The following TWIST2 variants were observed in gnomAD, a reference collection of about 807,000 sequenced individuals.
The protein encoded by TWIST2 is twist family bHLH transcription factor 2.
TWIST2 carries 1 observed loss-of-function variant against 11.6 expected under a neutral mutation model. That is an observed-to-expected ratio of 0.09 (90% confidence interval 0.03 to 0.41). TWIST2 has a LOEUF of 0.41. Ranked by LOEUF, TWIST2 falls within the 10% of genes least tolerant of loss-of-function variation. TWIST2 has a pLI of 0.98. For synonymous variants in TWIST2, 87 were observed against 96.6 expected (o/e 0.90, Z 0.58); for missense variants, 168 against 226.4 (o/e 0.74, Z 1.66).
intron 1 of TWIST2, among the ~76,000 whole-genome samples, chr2:238,873,553 G>A (rs995352939): frequency 1.3e-5 from 2 of 152,194 alleles, no homozygotes; most frequent in East Asian, 3.9e-4. Flanking sequence ...GCACGCATGA[G>A]CGCACACAAG....
At chr2:238,876,452 G>A (rs1484168933) in intron 1 of TWIST2, among the ~76,000 whole-genome samples, 9 of 152,310 alleles carry the variant, frequency 5.9e-5, no homozygotes, top group East Asian at 3.9e-4. Flanking sequence ...GTGTCAGGCC[G>A]AAGGTGCAGT....
intron 1 of TWIST2, among the ~76,000 whole-genome samples, 184 bp downstream of exon 1, chr2:238,848,917 C>A (rs1384245332): frequency 6.6e-6 from 1 of 152,116 alleles, no homozygotes; most frequent in African/African-American, 2.4e-5. Flanking sequence ...CCCAGGGACA[C>A]CCCTGAGTGC....
chr2:238,859,916 C>T lies in TWIST2; in HGVS notation c.*35+11183C>T, dbSNP rs537612130. Among the ~76,000 whole-genome samples the T allele has an allele frequency of 6.4e-4, 98 of 152,326 alleles. 1 individual carries two copies. The highest frequency in any genetic ancestry group is 2.4e-4 in the Non-Finnish European group (16 of 68,034). The stretch of plus-strand genomic sequence containing the variant: ...GCCTCTCCACAGTAGACTGAGTTCT[C>T]ACCCTCTGGGGGCCGAGGCAGAGAG... On this transcript the variant is annotated intron_variant, in intron 1 of 1. Transcript: ENST00000612363.
intron 1 of TWIST2, among the ~76,000 whole-genome samples, chr2:238,855,840 C>T (rs557176388): frequency 1.3e-5 from 2 of 152,252 alleles, no homozygotes; most frequent in East Asian, 1.9e-4. Context: ...AAGCCTCGTG[C>T]GGCCCATAGA....
intron 1 of TWIST2, among the ~76,000 whole-genome samples, chr2:238,894,055 C>T (rs1693179536): frequency 6.6e-6 from 1 of 152,156 alleles, no homozygotes; most frequent in African/African-American, 2.4e-5. Flanking sequence ...AGGTGTAGAC[C>T]AGGAATCTGA....
chr2:238,901,296 A>G (rs1469691694), intron 1 of TWIST2, among the ~76,000 whole-genome samples: 1 of 152,164 alleles, frequency 6.6e-6, no homozygotes, highest in Non-Finnish European at 1.5e-5. Context: ...TTTGCTCAGC[A>G]TGCTGGGAGA....
At chr2:238,883,773 G>A (rs925038087) in intron 1 of TWIST2, among the ~76,000 whole-genome samples, 2 of 152,210 alleles carry the variant, frequency 1.3e-5, no homozygotes, top group African/African-American at 4.8e-5. Flanking sequence ...TGCGGAGAGG[G>A]AGGCGGTTTT....
chr2:238,908,222 C>G (rs1693388415), intron 1 of TWIST2, among the ~76,000 whole-genome samples: 1 of 146,680 alleles, frequency 6.8e-6, no homozygotes, highest in Non-Finnish European at 1.5e-5. Flanking sequence ...CATATACCCC[C>G]CATACAAAAT....
At chr2:238,881,444 T>C (rs1692928632) in intron 1 of TWIST2, among the ~76,000 whole-genome samples, 1 of 151,848 alleles carries the variant, frequency 6.6e-6, no homozygotes, top group Admixed American at 6.6e-5. Context: ...TCGGTATTTA[T>C]TAGTATTAGT....
chr2:238,909,211 G>GA (rs1427062315), intron 1 of TWIST2, among the ~76,000 whole-genome samples: 1 of 147,526 alleles, frequency 6.8e-6, no homozygotes, highest in African/African-American at 2.5e-5. Context: ...TGTGTATGTG[G>GA]GGTGGGGTGT....
chr2:238,859,836 CTG>C (rs756106999), intron 1 of TWIST2, among the ~76,000 whole-genome samples: 13 of 152,210 alleles, frequency 8.5e-5, no homozygotes, highest in Non-Finnish European at 1.5e-5. Context: ...CTGAGGCACA[CTG>C]TTTCTTTTGC....
At chr2:238,859,241 G>A (rs1187204832) in intron 1 of TWIST2, among the ~76,000 whole-genome samples, 1 of 150,798 alleles carries the variant, frequency 6.6e-6, no homozygotes, top group Non-Finnish European at 1.5e-5. Flanking sequence ...TGTAATATGT[G>A]CTACAGCATC....
chr2:238,876,000 G>A (rs1281272270), intron 1 of TWIST2, among the ~76,000 whole-genome samples: 1 of 152,226 alleles, frequency 6.6e-6, no homozygotes, highest in Non-Finnish European at 1.5e-5. Flanking sequence ...GGACCCCGAG[G>A]CCCTGGCCAG....
At chr2:238,908,420 C>T (rs990220451) in intron 1 of TWIST2, among the ~76,000 whole-genome samples, 2 of 151,604 alleles carry the variant, frequency 1.3e-5, no homozygotes, top group Non-Finnish European at 2.9e-5. Context: ...ACACTGCACA[C>T]ACCACACATA....
chr2:238,895,895 G>A, intron 1 of TWIST2, among the ~76,000 whole-genome samples: 1 of 152,298 alleles, frequency 6.6e-6, no homozygotes, highest in South Asian at 2.1e-4. Context: ...TCCTTGGGCT[G>A]ACTCCTCCTT....
chr2:238,871,812 A>G (rs1377588477), intron 1 of TWIST2, among the ~76,000 whole-genome samples: 1 of 152,120 alleles, frequency 6.6e-6, no homozygotes, highest in Non-Finnish European at 1.5e-5. Context: ...CAAACACTCT[A>G]TGACTCCACT....
chr2:238,851,183 G>A (rs1247923404), intron 1 of TWIST2, among the ~76,000 whole-genome samples: 1 of 152,208 alleles, frequency 6.6e-6, no homozygotes, highest in African/African-American at 2.4e-5. Flanking sequence ...AAACTGTCAA[G>A]ACTAACAGCA....
chr2:238,900,756 T>C (rs1693259465), intron 1 of TWIST2, among the ~76,000 whole-genome samples: 1 of 152,142 alleles, frequency 6.6e-6, no homozygotes, highest in East Asian at 1.9e-4. Flanking sequence ...ATGCATCTGC[T>C]GGTTGTCTGG....
At chr2:238,853,401 GA>G (rs1692275025) in intron 1 of TWIST2, among the ~76,000 whole-genome samples, 1 of 149,480 alleles carries the variant, frequency 6.7e-6, no homozygotes, top group African/African-American at 2.5e-5. Context: ...GAGAGAGAGA[GA>G]GGGAGAGAGG....
Sources: gnomAD v4.1 joint callset for allele counts (sites outside exome capture counted in the v4.1 genomes callset) on GRCh38, gnomAD v4.1.1 for gene constraint, MANE v1.5 for transcripts, NCBI Gene and HGNC (gene_info 2026-07-23, HGNC 2026-07-21) for gene names.